The following COX7B2 variants were observed in gnomAD, a reference collection of about 807,000 sequenced individuals.
COX7B2 encodes the protein cytochrome c oxidase subunit 7B2, mitochondrial.
For missense variants in COX7B2, 109 were observed against 95.9 expected (o/e 1.14, Z -0.57); for synonymous variants, 37 against 32.1 (o/e 1.15, Z -0.51).
intron 2 of COX7B2, among the ~76,000 whole-genome samples, chr4:46,829,609 A>G (rs981241008): frequency 6.6e-6 from 1 of 152,216 alleles, no homozygotes; most frequent in African/African-American, 2.4e-5. Context: ...GCACTTCATC[A>G]TGGGATGAAG....
intron 2 of COX7B2, among the ~76,000 whole-genome samples, chr4:46,831,639 G>C (rs1459441328): frequency 1.3e-5 from 2 of 152,154 alleles, no homozygotes; most frequent in Non-Finnish European, 2.9e-5. Context: ...TTCAGGGTTT[G>C]TGGATGCACC....
chr4:46,861,396 T>C (rs1222101415), intron 1 of COX7B2, among the ~76,000 whole-genome samples: 1 of 152,208 alleles, frequency 6.6e-6, no homozygotes, highest in Non-Finnish European at 1.5e-5. Flanking sequence ...AACGGAGATT[T>C]CGCTAGACTT....
At chr4:46,735,956 T>C (rs1030405610) in intron 2 of COX7B2, among the ~76,000 whole-genome samples, 1 of 152,160 alleles carries the variant, frequency 6.6e-6, no homozygotes, top group African/African-American at 2.4e-5. Flanking sequence ...ACAGCCTCCC[T>C]AGCTATCAAC....
At chr4:46,776,416 G>A (rs939061272) in intron 2 of COX7B2, among the ~76,000 whole-genome samples, 1 of 151,522 alleles carries the variant, frequency 6.6e-6, no homozygotes, top group African/African-American at 2.4e-5. Context: ...GTGTGTGTGT[G>A]TGTGTGTCTG....
intron 1 of COX7B2, among the ~76,000 whole-genome samples, chr4:46,884,763 G>A (rs1473952908): frequency 6.6e-6 from 1 of 152,062 alleles, no homozygotes; most frequent in East Asian, 1.9e-4. Flanking sequence ...TTGTCTCCTT[G>A]GCTTAGCAGC....
At chr4:46,804,300 G>A (rs567607330) in intron 2 of COX7B2, among the ~76,000 whole-genome samples, 2 of 152,174 alleles carry the variant, frequency 1.3e-5, no homozygotes, top group East Asian at 1.9e-4. Context: ...AGCTTCCACG[G>A]TACGGAAAGG....
chr4:46,781,108 G>A (rs541873076), intron 2 of COX7B2, among the ~76,000 whole-genome samples: 78 of 152,232 alleles, frequency 5.1e-4, no homozygotes, highest in African/African-American at 1.8e-3. Flanking sequence ...TTGATCATAT[G>A]TACCAACATA....
intron 2 of COX7B2, among the ~76,000 whole-genome samples, chr4:46,799,207 G>GT (rs942513012): frequency 2.0e-4 from 31 of 152,026 alleles, no homozygotes; most frequent in Non-Finnish European, 3.7e-4. Context: ...TTGTACATTG[G>GT]TTTTTTATCC....
At chr4:46,762,554 A>G (rs1193702747) in intron 2 of COX7B2, among the ~76,000 whole-genome samples, 1 of 146,958 alleles carries the variant, frequency 6.8e-6, no homozygotes, top group Non-Finnish European at 1.5e-5. Context: ...ATAGTTTAGT[A>G]TATGCAATGA....
chr4:46,745,635 A>G (rs567453646), intron 2 of COX7B2, among the ~76,000 whole-genome samples: 130 of 152,204 alleles, frequency 8.5e-4, no homozygotes, highest in African/African-American at 2.9e-3. Context: ...TCCTTCTTGT[A>G]GATGCCTCAG....
At chr4:46,773,479 A>C (rs1278943733) in intron 2 of COX7B2, among the ~76,000 whole-genome samples, 2 of 152,168 alleles carry the variant, frequency 1.3e-5, no homozygotes, top group Non-Finnish European at 2.9e-5. Flanking sequence ...TGAGTCAATT[A>C]AACATCTTTC....
chr4:46,871,002 C>T (rs967345570), intron 1 of COX7B2, among the ~76,000 whole-genome samples: 1 of 151,672 alleles, frequency 6.6e-6, no homozygotes, highest in Non-Finnish European at 1.5e-5. Flanking sequence ...TTTAAAATTC[C>T]TATGGAACCA....
chr4:46,757,661 G>A (rs765448158), intron 2 of COX7B2, among the ~76,000 whole-genome samples: 2 of 151,936 alleles, frequency 1.3e-5, no homozygotes, highest in Non-Finnish European at 2.9e-5. Context: ...TCGTTTGTTT[G>A]TCACTCTGCC....
At chr4:46,841,191 T>A (rs1715900715) in intron 2 of COX7B2, among the ~76,000 whole-genome samples, 1 of 151,866 alleles carries the variant, frequency 6.6e-6, no homozygotes, top group South Asian at 2.1e-4. Context: ...TGCTCTTAAT[T>A]GATTAGAGAG....
At chr4:46,834,050 C>T (rs985088122) in intron 2 of COX7B2, among the ~76,000 whole-genome samples, 1 of 152,038 alleles carries the variant, frequency 6.6e-6, no homozygotes, top group African/African-American at 2.4e-5. Context: ...ATTAAATCAA[C>T]AACAACAAAA....
chr4:46,886,007 T>C (rs530693766), intron 1 of COX7B2, among the ~76,000 whole-genome samples: 12 of 152,252 alleles, frequency 7.9e-5, no homozygotes, highest in African/African-American at 2.6e-4. Context: ...TACAAGCCAA[T>C]GATAACGTAG....
chr4:46,867,514 C>T (rs1717738930), intron 1 of COX7B2, among the ~76,000 whole-genome samples: 1 of 152,174 alleles, frequency 6.6e-6, no homozygotes, highest in African/African-American at 2.4e-5. Context: ...ATAACCACTC[C>T]TTTCTCTAGA....
chr4:46,795,168 T>C (rs1390287609), intron 2 of COX7B2, among the ~76,000 whole-genome samples: 2 of 130,886 alleles, frequency 1.5e-5, no homozygotes, highest in East Asian at 2.1e-4. Flanking sequence ...ACTCTGATGG[T>C]AGTTTCTTTT....
intron 2 of COX7B2, among the ~76,000 whole-genome samples, chr4:46,812,804 A>C (rs1204966481): frequency 1.3e-5 from 2 of 152,204 alleles, no homozygotes; most frequent in East Asian, 3.9e-4. Context: ...AAGTGCAGCT[A>C]CATGGGTCAG....
Sources: gnomAD v4.1 joint callset for allele counts (sites outside exome capture counted in the v4.1 genomes callset) on GRCh38, gnomAD v4.1.1 for gene constraint, MANE v1.5 for transcripts, NCBI Gene and HGNC (gene_info 2026-07-23, HGNC 2026-07-21) for gene names.